NDUFAF2: variants seen among roughly 807,000 people sequenced by gnomAD.
NDUFAF2 encodes the protein NADH dehydrogenase [ubiquinone] 1 alpha subcomplex assembly factor 2.
Under a neutral mutation model 22.8 loss-of-function variants are expected in NDUFAF2, and 13 were observed. The ratio of observed to expected loss-of-function variants is 0.57; its 90% CI spans 0.37 to 0.91. NDUFAF2 has a LOEUF of 0.91. Among genes scored for constraint, NDUFAF2 ranks in the 40% least tolerant of loss-of-function variants. The pLI is 0.01. For missense variants in NDUFAF2, 162 were observed against 195.2 expected (o/e 0.83, Z 1.01); for synonymous variants, 53 against 64.2 (o/e 0.83, Z 0.84).
intron 1 of NDUFAF2, among the ~76,000 whole-genome samples, chr5:61,054,194 A>G (rs1752059657): frequency 1.3e-5 from 2 of 152,086 alleles, no homozygotes; most frequent in African/African-American, 4.8e-5. Flanking sequence ...GAGTGAGACT[A>G]TGTCTCTAGA....
chr5:60,962,948 C>G (rs377495431), intron 1 of NDUFAF2, among the ~76,000 whole-genome samples: 1 of 151,936 alleles, frequency 6.6e-6, no homozygotes, highest in Non-Finnish European at 1.5e-5. Flanking sequence ...TGCAGTGGCG[C>G]GATCTCGGCT....
intron 1 of NDUFAF2, among the ~76,000 whole-genome samples, chr5:61,028,072 A>G (rs1751674591): frequency 6.6e-6 from 1 of 152,070 alleles, no homozygotes; most frequent in South Asian, 2.1e-4. Context: ...AGAAATGTGC[A>G]AAACTTACAG....
chr5:61,026,783 G>T (rs1181436230), intron 1 of NDUFAF2, among the ~76,000 whole-genome samples: 6 of 151,968 alleles, frequency 3.9e-5, no homozygotes, highest in Non-Finnish European at 7.4e-5. Flanking sequence ...TTCAAGTGTG[G>T]TGGGTTTTTT....
chr5:60,995,084 C>A (rs1461709794), intron 1 of NDUFAF2, among the ~76,000 whole-genome samples: 1 of 152,012 alleles, frequency 6.6e-6, no homozygotes, highest in Non-Finnish European at 1.5e-5. Flanking sequence ...GATAGAATTT[C>A]TTCTCTGAGT....
chr5:61,042,675 T>A (rs1751898873), intron 1 of NDUFAF2, among the ~76,000 whole-genome samples: 1 of 152,222 alleles, frequency 6.6e-6, no homozygotes, highest in African/African-American at 2.4e-5. Flanking sequence ...GATAATGTTC[T>A]GTTTTTAAAA....
chr5:61,124,876 A>G (rs1267382677), intron 3 of NDUFAF2, among the ~76,000 whole-genome samples: 1 of 151,896 alleles, frequency 6.6e-6, no homozygotes, highest in African/African-American at 2.4e-5. Flanking sequence ...TAATGGACGC[A>G]CAGTTCCCCA....
At chr5:60,998,567 T>G (rs1415867622) in intron 1 of NDUFAF2, among the ~76,000 whole-genome samples, 3 of 152,092 alleles carry the variant, frequency 2.0e-5, no homozygotes, top group African/African-American at 7.2e-5. Flanking sequence ...TTAACAGAAG[T>G]CTTTGGCTAT....
chr5:61,131,953 C>T (rs1467641321), intron 3 of NDUFAF2, among the ~76,000 whole-genome samples: 1 of 151,888 alleles, frequency 6.6e-6, no homozygotes, highest in Non-Finnish European at 1.5e-5. Flanking sequence ...CAGTGATTTC[C>T]ATTTTAAGAA....
intron 2 of NDUFAF2, among the ~76,000 whole-genome samples, chr5:61,081,765 G>A (rs538214703): frequency 1.7e-4 from 26 of 152,254 alleles, no homozygotes; most frequent in African/African-American, 4.3e-4. Flanking sequence ...TCTTAATAGC[G>A]AAAGCAAAAA....
At chr5:61,073,049 A>C in intron 1 of NDUFAF2, 76 bp from the exon 2 acceptor site, 1 of 875,708 alleles carries the variant, frequency 1.1e-6, no homozygotes, top group South Asian at 1.3e-5. Context: ...GGGGTTATGC[A>C]ATATTCAAAG....
chr5:61,139,976 T>C (rs1179727725), intron 3 of NDUFAF2, among the ~76,000 whole-genome samples: 1 of 152,214 alleles, frequency 6.6e-6, no homozygotes, highest in Non-Finnish European at 1.5e-5. Context: ...GAAAGCTGTT[T>C]CATCACTCAG....
intron 3 of NDUFAF2, among the ~76,000 whole-genome samples, chr5:61,129,757 G>T (rs1167856455): frequency 6.6e-6 from 1 of 152,042 alleles, no homozygotes; most frequent in South Asian, 2.1e-4. Flanking sequence ...AAACCTGCAC[G>T]TTGTACACAT....
chr5:61,106,834 C>T (rs1013465283), intron 3 of NDUFAF2, among the ~76,000 whole-genome samples: 3 of 151,162 alleles, frequency 2.0e-5, no homozygotes, highest in Admixed American at 1.3e-4. Flanking sequence ...ACCTCCAGTT[C>T]TATCCATGTT....
At chr5:60,961,765 CA>C (rs11333036) in intron 1 of NDUFAF2, among the ~76,000 whole-genome samples, 67,343 of 114,840 alleles carry the variant, frequency 0.59, 17,949 homozygotes, top group East Asian at 0.88. Context: ...GACTCTGTCT[CA>C]AAAAAAAAAA....
chr5:60,964,099 A>G (rs1750724231), intron 1 of NDUFAF2, among the ~76,000 whole-genome samples: 1 of 152,144 alleles, frequency 6.6e-6, no homozygotes, highest in South Asian at 2.1e-4. Context: ...CAGAGATTGA[A>G]GCAGGGAGAT....
intron 1 of NDUFAF2, among the ~76,000 whole-genome samples, chr5:61,053,520 G>A (rs931014377): frequency 4.6e-5 from 7 of 152,140 alleles, no homozygotes; most frequent in African/African-American, 1.4e-4. Context: ...AGCTGAGAAA[G>A]TATCTTTTCC....
chr5:61,090,734 A>G (rs898681280), intron 2 of NDUFAF2, among the ~76,000 whole-genome samples: 6 of 152,132 alleles, frequency 3.9e-5, no homozygotes, highest in African/African-American at 7.2e-5. Flanking sequence ...GGTTTGTTAC[A>G]TAAGTAAATG....
At chr5:61,020,930 G>A (rs888533368) in intron 1 of NDUFAF2, among the ~76,000 whole-genome samples, 5 of 150,912 alleles carry the variant, frequency 3.3e-5, no homozygotes, top group East Asian at 2.0e-4. Context: ...TCCTGACCTC[G>A]TGATCCGCCT....
rs562200144 is a variant in NDUFAF2 at position 61,099,235 on chromosome 5, G to T, written c.258+203G>T. The stretch of plus-strand genomic sequence containing the variant: ...TGATAAAATAAATGCTCATATTATG[G>T]AATATAACAAAATTTGTATAAATTT... On this transcript the variant is annotated intron_variant, in intron 3 of 3. Transcript: ENST00000296597. Among the ~76,000 whole-genome samples the T allele has an allele frequency of 6.3e-4, 95 of 150,256 alleles. 4 individuals carry two copies. The South Asian group carries it at 0.013, about 20-fold the overall frequency.
Sources: allele counts gnomAD v4.1 joint callset (sites outside exome capture counted in the v4.1 genomes callset), GRCh38; gene constraint gnomAD v4.1.1; transcripts MANE v1.5; gene names NCBI Gene and HGNC (gene_info 2026-07-23, HGNC 2026-07-21).